Variants in PHTF2 observed in about 807,000 individuals in gnomAD.
The protein encoded by PHTF2 is putative homeodomain transcription factor 2, also known as protein PHTF2.
In PHTF2, 60 loss-of-function variants were observed where a neutral mutation model predicts 101.2. That is an observed-to-expected ratio of 0.59 (90% CI 0.48 to 0.73). The LOEUF is 0.73. PHTF2 is among the 30% of genes least tolerant of loss of function. The pLI is 0.00. For synonymous variants in PHTF2, 311 were observed against 307.3 expected, an observed-to-expected ratio of 1.01 and a Z score of -0.13; for missense variants, 747 against 908.7, an observed-to-expected ratio of 0.82 and a Z score of 2.29.
intron 11 of PHTF2, among the ~76,000 whole-genome samples, chr7:77,927,157 CAAA>C (rs869210694): frequency 2.7e-3 from 98 of 36,512 alleles, no homozygotes; most frequent in Middle Eastern, 0.02. Flanking sequence ...GACTCCATCT[CAAA>C]AAAAAAAAAA....
At chr7:77,923,907 A>G in intron 11 of PHTF2, 7 of 969,438 alleles carry the variant, frequency 7.2e-6, no homozygotes, top group Non-Finnish European at 8.6e-6. Context: ...CTACCTATTA[A>G]CTTTTAAATT....
At chr7:77,893,636 A>T in exon 4 of PHTF2, 1 of 1,437,642 alleles carries the variant, frequency 7.0e-7, no homozygotes, top group Non-Finnish European at 9.7e-7. Flanking sequence ...CAAATATGGG[A>T]AAAATCTGTT....
intron 1 of PHTF2, among the ~76,000 whole-genome samples, chr7:77,804,789 C>T (rs898161456): frequency 6.6e-6 from 1 of 152,182 alleles, no homozygotes; most frequent in South Asian, 2.1e-4. Flanking sequence ...TAAGAAAAAA[C>T]AAAACAACCA....
At chr7:77,835,350 T>G (rs1403554137) in intron 1 of PHTF2, among the ~76,000 whole-genome samples, 1 of 150,276 alleles carries the variant, frequency 6.7e-6, no homozygotes, top group Non-Finnish European at 1.5e-5. Context: ...TTTAGAAGGA[T>G]GTATGAGTGG....
At chr7:77,888,191 C>T (rs944650483) in intron 3 of PHTF2, among the ~76,000 whole-genome samples, 8 of 152,148 alleles carry the variant, frequency 5.3e-5, no homozygotes, top group South Asian at 2.1e-4. Flanking sequence ...CTTGGCTTAC[C>T]GCAACTTCCT....
chr7:77,944,836 TTTGAC>T (rs1488560594), intron 16 of PHTF2, among the ~76,000 whole-genome samples: 1 of 152,220 alleles, frequency 6.6e-6, no homozygotes, highest in East Asian at 1.9e-4. Flanking sequence ...GTTATTGACT[TTTGAC>T]TTGTTTTTTG....
At chr7:77,888,866 A>G (rs985149068) in intron 3 of PHTF2, among the ~76,000 whole-genome samples, 1 of 152,116 alleles carries the variant, frequency 6.6e-6, no homozygotes, top group Non-Finnish European at 1.5e-5. Context: ...AAATTAAAAA[A>G]AAAAATAAGA....
chr7:77,848,675 AT>A (rs1310574961), intron 2 of PHTF2, among the ~76,000 whole-genome samples: 7 of 151,822 alleles, frequency 4.6e-5, no homozygotes. Context: ...CTTTGTTGAT[AT>A]TTTCCTTTGC....
At chr7:77,840,658 T>C (rs1795796586) in intron 2 of PHTF2, among the ~76,000 whole-genome samples, 1 of 152,068 alleles carries the variant, frequency 6.6e-6, no homozygotes, top group South Asian at 2.1e-4. Context: ...TTGTTTCTTG[T>C]AAGTTACAAT....
At chr7:77,954,232 C>T (rs1806788575) in intron 19 of PHTF2, among the ~76,000 whole-genome samples, 1 of 152,012 alleles carries the variant, frequency 6.6e-6, no homozygotes, top group African/African-American at 2.4e-5. Context: ...CTCCCGGGTT[C>T]AAGGATTTCT....
chr7:77,914,667 TCA>T (rs902038660), intron 9 of PHTF2, among the ~76,000 whole-genome samples: 8 of 152,084 alleles, frequency 5.3e-5, no homozygotes, highest in African/African-American at 1.7e-4. Flanking sequence ...ATACTGAAAA[TCA>T]CAGTTTTGTT....
intron 1 of PHTF2, among the ~76,000 whole-genome samples, chr7:77,833,254 A>T (rs1795203458): frequency 6.6e-6 from 1 of 152,228 alleles, no homozygotes. Context: ...ATTTTGGCAC[A>T]GAGGTAGAAA....
chr7:77,949,951 A>G (rs1806395785), intron 17 of PHTF2, 118 bp downstream of exon 16: 4 of 540,056 alleles, frequency 7.4e-6, no homozygotes, highest in Non-Finnish European at 1.2e-5. Flanking sequence ...GCTATAAAGC[A>G]AAATGTAAAA....
chr7:77,801,158 T>C (rs972100875), intron 1 of PHTF2, among the ~76,000 whole-genome samples: 3 of 152,172 alleles, frequency 2.0e-5, no homozygotes, highest in African/African-American at 4.8e-5. Context: ...ATGGGAGAAA[T>C]AGATATTTGA....
chr7:77,946,233 TG>T (rs1386886562), intron 16 of PHTF2, among the ~76,000 whole-genome samples: 3 of 152,218 alleles, frequency 2.0e-5, no homozygotes, highest in Admixed American at 6.5e-5. Context: ...GAAAACAATT[TG>T]TAAATTTTCA....
intron 7 of PHTF2, among the ~76,000 whole-genome samples, chr7:77,907,551 C>G (rs903361723): frequency 6.6e-6 from 1 of 152,098 alleles, no homozygotes; most frequent in African/African-American, 2.4e-5. Flanking sequence ...CCCAGTTTGC[C>G]TGGGATTGTC....
At chr7:77,832,447 G>A (rs532089797) in intron 1 of PHTF2, among the ~76,000 whole-genome samples, 1 of 152,148 alleles carries the variant, frequency 6.6e-6, no homozygotes, top group South Asian at 2.1e-4. Flanking sequence ...GACTTTGTCC[G>A]TGCTAGAAGA....
At chr7:77,945,325 G>A (rs1269290583) in intron 16 of PHTF2, among the ~76,000 whole-genome samples, 1 of 152,198 alleles carries the variant, frequency 6.6e-6, no homozygotes, top group Non-Finnish European at 1.5e-5. Flanking sequence ...GCAACAGAAA[G>A]AGACTGTCTC....
chr7:77,810,050 TC>T (rs1793315257), intron 1 of PHTF2, among the ~76,000 whole-genome samples: 1 of 152,254 alleles, frequency 6.6e-6, no homozygotes, highest in Admixed American at 6.5e-5. Flanking sequence ...TCATTTATGT[TC>T]TTTTTATTTT....
Sources: gnomAD v4.1 joint callset for allele counts (sites outside exome capture counted in the v4.1 genomes callset) on GRCh38, gnomAD v4.1.1 for gene constraint, MANE v1.5 for transcripts, NCBI Gene and HGNC (gene_info 2026-07-23, HGNC 2026-07-21) for gene names.